Variants in COP1 observed in about 807,000 individuals in gnomAD.
COP1 encodes the protein E3 ubiquitin-protein ligase COP1.
Under a neutral mutation model 101.3 loss-of-function variants are expected in COP1, and 24 were observed. The observed-to-expected ratio is 0.24, with a 90% CI of 0.17 to 0.33. The LOEUF (loss-of-function observed/expected upper bound fraction) is 0.33, where lower values mean the gene tolerates loss of function less well. COP1 is among the 10% of genes least tolerant of loss of function. The pLI, the probability that COP1 is intolerant of heterozygous loss-of-function variation, is 1.00. For missense variants in COP1, 663 were observed against 906.2 expected (o/e 0.73, Z 3.45); for synonymous variants, 347 against 341.9 (o/e 1.01, Z -0.17).
intron 8 of COP1, among the ~76,000 whole-genome samples, chr1:176,120,079 T>C (rs1371603550): frequency 6.6e-6 from 1 of 152,136 alleles, no homozygotes; most frequent in Non-Finnish European, 1.5e-5. Context: ...TGTAGACATA[T>C]TTTAAAGAGA....
chr1:175,981,963 T>C (rs1170636253), intron 18 of COP1, among the ~76,000 whole-genome samples: 1 of 152,156 alleles, frequency 6.6e-6, no homozygotes, highest in African/African-American at 2.4e-5. Flanking sequence ...CTAGAATTTC[T>C]ATCATCAAAA....
chr1:176,036,573 A>C (rs1451714164), intron 14 of COP1, among the ~76,000 whole-genome samples: 1 of 151,618 alleles, frequency 6.6e-6, no homozygotes. Flanking sequence ...AAATATAGAC[A>C]GTCCCCAATT....
intron 11 of COP1, among the ~76,000 whole-genome samples, chr1:176,058,758 A>C (rs1674311571): frequency 6.6e-6 from 1 of 151,756 alleles, no homozygotes; most frequent in Non-Finnish European, 1.5e-5. Context: ...GATCAATAAA[A>C]AAAAAAAAAA....
intron 3 of COP1, among the ~76,000 whole-genome samples, chr1:176,165,765 T>C (rs1695040154): frequency 6.6e-6 from 1 of 152,152 alleles, no homozygotes; most frequent in African/African-American, 2.4e-5. Context: ...TTGTGAATGA[T>C]TCACAGGGAT....
chr1:176,056,793 CTTTCT>C (rs539797972), intron 11 of COP1, among the ~76,000 whole-genome samples: 14 of 152,010 alleles, frequency 9.2e-5, no homozygotes, highest in Non-Finnish European at 1.5e-4. Flanking sequence ...CATCTGATTT[CTTTCT>C]TTTGTTTTCT....
At chr1:175,948,767 A>G (rs1038292183) in intron 18 of COP1, among the ~76,000 whole-genome samples, 4 of 152,212 alleles carry the variant, frequency 2.6e-5, no homozygotes. Flanking sequence ...AGCAGCATCA[A>G]AGATTATAGG....
intron 18 of COP1, among the ~76,000 whole-genome samples, chr1:175,951,437 AATATAT>A (rs765055146): frequency 2.8e-5 from 3 of 108,022 alleles, no homozygotes; most frequent in Admixed American, 8.9e-5. Flanking sequence ...AAGATACGTG[AATATAT>A]ATATATATAT....
At position 176,116,068 on chromosome 1, in the gene COP1, C is replaced by A. The variant is rs1015774816; in HGVS notation, c.1026+556G>T. ...TAAAGTATTTCCTTCCTCTCAGGTT[C>A]TGAAATTAACAGTAAGTTTTAAAAA... is the stretch of plus-strand genomic sequence containing the variant. On this transcript the variant is annotated intron_variant, in intron 9 of 19. Coordinates refer to ENST00000367669, the MANE Select transcript of COP1 (RefSeq NM_022457.7). Among the ~76,000 whole-genome samples the A allele has an allele frequency of 9.2e-5, 14 of 152,068 alleles. 1 individual carries two copies. The highest frequency in any genetic ancestry group is 2.6e-4 in the Admixed American group (4 of 15,260).
intron 14 of COP1, 69 bp downstream of exon 14, chr1:176,043,117 C>A: frequency 3.4e-6 from 3 of 870,124 alleles, no homozygotes; most frequent in Non-Finnish European, 3.8e-6. Context: ...TGTATTTCTG[C>A]CGATGAAAGG....
At chr1:176,029,556 TC>T (rs1294290141) in intron 14 of COP1, among the ~76,000 whole-genome samples, 1 of 152,194 alleles carries the variant, frequency 6.6e-6, no homozygotes, top group Non-Finnish European at 1.5e-5. Context: ...ACAAAATCTT[TC>T]CATCCATCTT....
In COP1 at chr1:176,207,186, G is replaced by A. The variant is rs893434162; in HGVS notation, c.-208C>T. The A allele has an allele frequency of 7.1e-6, 3 of 420,162 alleles. No individual in the cohort carries two copies. The highest frequency in any genetic ancestry group is 6.1e-5 in the African/African-American group (3 of 48,786). 26.0% of individuals were successfully genotyped at this position (420,162 alleles called of 1,614,324 possible). ...GGGGGCGGAGGAAACTAAAAAAGCG[G>A]AGTAGAAGGCACTACCGCTGTCGAG... On this transcript the variant is annotated 5_prime_UTR_variant, in exon 1 of 20. Transcript: ENST00000367669.
intron 11 of COP1, among the ~76,000 whole-genome samples, chr1:176,058,183 A>AGGTGG (rs376799670): frequency 8.8e-6 from 1 of 114,092 alleles, no homozygotes; most frequent in Non-Finnish European, 1.8e-5. Flanking sequence ...CCCGGTAGGG[A>AGGTGG]GGGGGGGGGT....
At chr1:176,076,847 T>C (rs531321750) in intron 11 of COP1, among the ~76,000 whole-genome samples, 211 of 152,250 alleles carry the variant, frequency 1.4e-3, no homozygotes, top group Non-Finnish European at 2.2e-3. Flanking sequence ...AACATCTCTA[T>C]GCACAGACTA....
chr1:176,098,464 T>A (rs1045834944), intron 9 of COP1, among the ~76,000 whole-genome samples: 1 of 152,108 alleles, frequency 6.6e-6, no homozygotes, highest in Non-Finnish European at 1.5e-5. Flanking sequence ...CGAGACTCCA[T>A]CTCAAAAAAC....
At chr1:175,975,344 G>C (rs933251313) in intron 18 of COP1, among the ~76,000 whole-genome samples, 1 of 151,902 alleles carries the variant, frequency 6.6e-6, no homozygotes, top group Non-Finnish European at 1.5e-5. Context: ...TTTAAACAAA[G>C]ACTAACAAAA....
chr1:175,951,504 TTTG>T (rs1263536968), intron 18 of COP1, among the ~76,000 whole-genome samples: 1 of 144,516 alleles, frequency 6.9e-6, no homozygotes, highest in East Asian at 2.2e-4. Context: ...ACAGACTAAA[TTTG>T]TTTTCCTACC....
At chr1:176,155,895 CA>C (rs1469288180) in intron 5 of COP1, among the ~76,000 whole-genome samples, 2 of 151,466 alleles carry the variant, frequency 1.3e-5, no homozygotes, top group East Asian at 1.9e-4. Flanking sequence ...CTATATAGAG[CA>C]AAACAATCTG....
intron 13 of COP1, 23 bp downstream of exon 13, chr1:176,043,687 A>C (rs1232970331): frequency 1.6e-6 from 2 of 1,257,480 alleles, no homozygotes; most frequent in Non-Finnish European, 1.2e-6. Context: ...TTCATATAAC[A>C]TGTAACTAGT....
intron 11 of COP1, among the ~76,000 whole-genome samples, chr1:176,078,673 C>G (rs1678529758): frequency 6.6e-6 from 1 of 150,892 alleles, no homozygotes; most frequent in South Asian, 2.1e-4. Flanking sequence ...AGAGCTTCTG[C>G]ATAGCAGAAG....
Sources: allele counts gnomAD v4.1 joint callset (sites outside exome capture counted in the v4.1 genomes callset), GRCh38; gene constraint gnomAD v4.1.1; transcripts MANE v1.5; gene names NCBI Gene and HGNC (gene_info 2026-07-23, HGNC 2026-07-21).